The following PCDHGB1 variants were observed in gnomAD, a reference collection of about 807,000 sequenced individuals.
PCDHGB1 encodes protocadherin gamma-B1.
Under a neutral mutation model 56.6 loss-of-function variants are expected in PCDHGB1, and 34 were observed. The observed-to-expected ratio is 0.60, with a 90% CI of 0.46 to 0.80. PCDHGB1 has a LOEUF of 0.80. Among genes scored for constraint, PCDHGB1 ranks in the 30% least tolerant of loss-of-function variants. The pLI is 0.00. For missense variants in PCDHGB1, 1,278 were observed against 1,204.6 expected, an observed-to-expected ratio of 1.06 and a Z score of -0.90; for synonymous variants, 561 against 505.9, an observed-to-expected ratio of 1.11 and a Z score of -1.46.
At chr5:141,391,471 C>G (rs2092375745) in intron 1 of PCDHGB1, 1 of 152,152 alleles carries the variant, frequency 6.6e-6, no homozygotes, top group Non-Finnish European at 1.5e-5. Flanking sequence ...GCCACCAGAC[C>G]TGGCTAATTT....
chr5:141,393,115 G>C (rs1342924521), intron 1 of PCDHGB1: 42 of 1,613,320 alleles, frequency 2.6e-5, no homozygotes, highest in Non-Finnish European at 3.6e-5. Context: ...CAGAGCCCGC[G>C]GTGTCTGATA....
At chr5:141,357,769 A>G (rs1051141357) in intron 1 of PCDHGB1, 13 of 952,774 alleles carry the variant, frequency 1.4e-5, no homozygotes, top group Middle Eastern at 3.0e-4. Flanking sequence ...TGACCTTCCA[A>G]TAATGATCAA....
At chr5:141,509,758 C>T (rs574741134) in intron 3 of PCDHGB1, among the ~76,000 whole-genome samples, 17 of 152,202 alleles carry the variant, frequency 1.1e-4, no homozygotes. Flanking sequence ...CTAAAGTGTC[C>T]CTGAGATGTC....
chr5:141,469,213 G>C (rs866405809), intron 1 of PCDHGB1, among the ~76,000 whole-genome samples: 4 of 150,912 alleles, frequency 2.7e-5, no homozygotes, highest in African/African-American at 9.7e-5. Flanking sequence ...TGAAGTTGAG[G>C]CTTCAGTGAG....
At chr5:141,464,137 C>T (rs1015442185) in intron 1 of PCDHGB1, among the ~76,000 whole-genome samples, 9 of 151,928 alleles carry the variant, frequency 5.9e-5, no homozygotes, top group Non-Finnish European at 7.4e-5. Context: ...TGGTGGTGGG[C>T]GCCTGTAGTC....
In PCDHGB1 at chr5:141,432,540, T is replaced by C. The variant is rs147884705; in HGVS notation, c.2410-62267T>C. The C allele has an allele frequency of 1.2e-6, 2 of 1,613,726 alleles. No homozygotes were observed. The highest frequency in any genetic ancestry group is 2.2e-5 in the South Asian group (2 of 91,058). On this transcript the variant is annotated intron_variant, in intron 1 of 3. Transcript: ENST00000523390. The surrounding 1 kb of genome is among the most constrained non-coding windows in gnomAD (Gnocchi z 6.0). ...TACCTGGTGACCAAGGTGGTGGCGG[T>C]GGACAGAGACTCCGGCCAGAACGCC...
chr5:141,444,470 C>T (rs1275997551), intron 1 of PCDHGB1, among the ~76,000 whole-genome samples: 2 of 152,058 alleles, frequency 1.3e-5, no homozygotes, highest in African/African-American at 2.4e-5. Flanking sequence ...TGCGCCCGGT[C>T]GCGTACTGGA....
At chr5:141,422,887 C>T in intron 1 of PCDHGB1, 1 of 1,614,264 alleles carries the variant, frequency 6.2e-7, no homozygotes, top group Non-Finnish European at 8.5e-7. Context: ...CCTGTTCGTG[C>T]TGGACCAGAA....
rs535739297 is a variant in PCDHGB1, at chr5:141,399,960, G to A, written c.2409+47291G>A. ...ACGTGCTGCAGGCTAGCGAGCCCGG[G>A]CTCTTCAGCCTGGGGCTGCGCACAG... On this transcript the variant is annotated intron_variant, in intron 1 of 3. Transcript: ENST00000523390. 8.1e-6 allele frequency: 13 copies of A among 1,612,214 alleles called. No homozygotes were observed. The African/African-American group carries it at 1.6e-4, about 20-fold the overall frequency.
At chr5:141,384,030 A>G (rs1246971074) in intron 1 of PCDHGB1, 2 of 1,613,466 alleles carry the variant, frequency 1.2e-6, no homozygotes, top group Non-Finnish European at 1.7e-6. Flanking sequence ...GAGATTCTGG[A>G]AAGAATGGTG....
At position 141,454,796 on chromosome 5, in the gene PCDHGB1, A is replaced by ATT. The variant is rs61612330; in HGVS notation, c.2410-39983_2410-39982dup. On this transcript the variant is annotated intron_variant, in intron 1 of 3. Coordinates refer to ENST00000523390, the MANE Select transcript of PCDHGB1 (RefSeq NM_018922.3). Reference sequence around the variant, plus strand: ...AAGGAAATAATCCTCCATGGTTCTAATTTTTTTTTTTTTTTTTTTTTTTTT... The same window carrying ATT: ...AAGGAAATAATCCTCCATGGTTCTAATTTTTTTTTTTTTTTTTTTTTTTTTTT... 6.7e-3 allele frequency among the ~76,000 whole-genome samples: 521 copies of ATT among 77,456 alleles called. 71 individuals are homozygous for ATT. The highest frequency in any genetic ancestry group is 0.017 in the Middle Eastern group (2 of 120). The allele number at this position is 77,456 out of a possible 152,430, so 50.8% of individuals were successfully genotyped here.
At chr5:141,494,445 A>G (rs1424475551) in intron 1 of PCDHGB1, among the ~76,000 whole-genome samples, 1 of 152,158 alleles carries the variant, frequency 6.6e-6, no homozygotes, top group East Asian at 1.9e-4. Flanking sequence ...TTGCCACTTT[A>G]GGGGGCTTTG....
chr5:141,383,541 C>T lies in PCDHGB1; in HGVS notation c.2409+30872C>T, dbSNP rs1197504109. 4 of 1,612,656 alleles carry T rather than the reference C, an allele frequency of 2.5e-6. No individual in the cohort carries two copies. In the East Asian group the frequency reaches 6.7e-5, roughly 27 times the overall value. ...GGGTTCACCACCTGGTCCTCACAGC[C>T]TCTGATGGCGGCGACCCGCCCCGAT... On this transcript the variant is annotated intron_variant, in intron 1 of 3. Coordinates refer to ENST00000523390, the MANE Select transcript of PCDHGB1 (RefSeq NM_018922.3).
At chr5:141,442,473 C>T (rs1435437337) in intron 1 of PCDHGB1, 1 of 152,240 alleles carries the variant, frequency 6.6e-6, no homozygotes, top group Non-Finnish European at 1.5e-5. Flanking sequence ...CAGAAAGCCC[C>T]TTGGGGAAGG....
chr5:141,358,906 A>C (rs1244538501), intron 1 of PCDHGB1, among the ~76,000 whole-genome samples: 2 of 152,180 alleles, frequency 1.3e-5, no homozygotes, highest in East Asian at 3.8e-4. Flanking sequence ...ATGAGGGAAA[A>C]TATTTTGTGT....
chr5:141,502,615 A>G (rs2099815317), intron 2 of PCDHGB1, among the ~76,000 whole-genome samples: 1 of 152,218 alleles, frequency 6.6e-6, no homozygotes, highest in Non-Finnish European at 1.5e-5. Context: ...TTGTGAAAAT[A>G]TAAGTAATCT....
intron 1 of PCDHGB1, chr5:141,360,880 G>T: frequency 1.2e-6 from 2 of 1,614,004 alleles, no homozygotes; most frequent in South Asian, 2.2e-5. Flanking sequence ...CGTGTACAGG[G>T]TCACCCTGAG....
At chr5:141,384,058 C>T (rs1246180478) in intron 1 of PCDHGB1, 2 of 1,609,504 alleles carry the variant, frequency 1.2e-6, no homozygotes, top group Non-Finnish European at 1.7e-6. Context: ...CTGCACCATT[C>T]CAGAAAACCT....
intron 1 of PCDHGB1, chr5:141,403,099 C>T (rs762392585): frequency 2.5e-6 from 4 of 1,613,938 alleles, no homozygotes; most frequent in Non-Finnish European, 2.5e-6. Flanking sequence ...GCAACATCTC[C>T]AAGGACCTGG....
Sources: allele counts gnomAD v4.1 joint callset (sites outside exome capture counted in the v4.1 genomes callset), GRCh38; gene constraint gnomAD v4.1.1; non-coding constraint Gnocchi (gnomAD v3.1); transcripts MANE v1.5; gene names NCBI Gene and HGNC (gene_info 2026-07-23, HGNC 2026-07-21).